The following LHX4 variants were observed in gnomAD, a reference collection of about 807,000 sequenced individuals.
LHX4 encodes LIM homeobox 4.
Under a neutral mutation model 39.2 loss-of-function variants are expected in LHX4, and 16 were observed. The observed-to-expected ratio is 0.41, with a 90% CI of 0.28 to 0.62. The LOEUF is 0.62. Ranked by LOEUF, LHX4 falls within the 20% of genes least tolerant of loss-of-function variation. LHX4 has a pLI of 0.33. For missense variants in LHX4, 439 were observed against 511.9 expected, an observed-to-expected ratio of 0.86 and a Z score of 1.37; for synonymous variants, 206 against 198.1, an observed-to-expected ratio of 1.04 and a Z score of -0.33.
chr1:180,246,438 G>A (rs553910921), intron 1 of LHX4, among the ~76,000 whole-genome samples: 4 of 152,340 alleles, frequency 2.6e-5, no homozygotes, highest in Non-Finnish European at 4.4e-5. Flanking sequence ...GAGGCCAGGC[G>A]TGGTGGCTCA....
intron 2 of LHX4, among the ~76,000 whole-genome samples, chr1:180,254,135 AT>A (rs1166630098): frequency 6.6e-6 from 1 of 152,064 alleles, no homozygotes; most frequent in Admixed American, 6.5e-5. Context: ...GGGGCTCCAT[AT>A]TTCCATCTGC....
At chr1:180,245,323 TC>T (rs1279650474) in intron 1 of LHX4, among the ~76,000 whole-genome samples, 1 of 152,164 alleles carries the variant, frequency 6.6e-6, no homozygotes, top group African/African-American at 2.4e-5. Context: ...TATCCACCCT[TC>T]ATAGACTGGT....
intron 2 of LHX4, among the ~76,000 whole-genome samples, chr1:180,257,020 G>A (rs1449799503): frequency 1.3e-5 from 2 of 152,258 alleles, no homozygotes; most frequent in Non-Finnish European, 2.9e-5. Context: ...ATCCGTGCTT[G>A]TTTACAAAAA....
At chr1:180,246,900 C>T (rs1331757645) in intron 1 of LHX4, among the ~76,000 whole-genome samples, 1 of 152,184 alleles carries the variant, frequency 6.6e-6, no homozygotes, top group Non-Finnish European at 1.5e-5. Flanking sequence ...GTGTGCCAGG[C>T]ACCGTGCTAG....
chr1:180,257,944 G>A (rs1249381523), intron 2 of LHX4, among the ~76,000 whole-genome samples: 1 of 152,212 alleles, frequency 6.6e-6, no homozygotes, highest in Non-Finnish European at 1.5e-5. Flanking sequence ...AACCCTCTCT[G>A]AACTTCAGTG....
intron 2 of LHX4, among the ~76,000 whole-genome samples, chr1:180,253,842 G>C (rs192136154): frequency 2.6e-5 from 4 of 152,182 alleles, no homozygotes; most frequent in Non-Finnish European, 5.9e-5. Context: ...GGTCTCCCCT[G>C]TACCAGCCTT....
At chr1:180,231,403 C>G (rs1474313439) in intron 1 of LHX4, among the ~76,000 whole-genome samples, 1 of 151,896 alleles carries the variant, frequency 6.6e-6, no homozygotes. Flanking sequence ...ACAGCCGGAG[C>G]TCGCGGCGTG....
At chr1:180,255,465 C>G (rs141674675) in intron 2 of LHX4, among the ~76,000 whole-genome samples, 1,718 of 152,378 alleles carry the variant, frequency 0.011, 21 homozygotes, top group African/African-American at 0.037. Flanking sequence ...GGGTGTGTCT[C>G]TTTGATGTGT....
chr1:180,250,382 A>T (rs357074), intron 2 of LHX4, among the ~76,000 whole-genome samples: 84,294 of 151,622 alleles, frequency 0.56, 24,554 homozygotes, highest in African/African-American at 0.74. Flanking sequence ...CCCGGGTGCA[A>T]ATGTGAACAT....
At chr1:180,249,900 T>C (rs976389546) in intron 2 of LHX4, among the ~76,000 whole-genome samples, 1 of 147,406 alleles carries the variant, frequency 6.8e-6, no homozygotes, top group Non-Finnish European at 1.5e-5. Flanking sequence ...TGTGTATGAG[T>C]GTGTGTGTGA....
chr1:180,256,725 G>A (rs1162863403), intron 2 of LHX4, among the ~76,000 whole-genome samples: 1 of 152,172 alleles, frequency 6.6e-6, no homozygotes, highest in South Asian at 2.1e-4. Flanking sequence ...GGGAGTCAGG[G>A]GTGGCTTTTC....
chr1:180,271,132 G>A (rs1432460061), intron 3 of LHX4: 3 of 566,610 alleles, frequency 5.3e-6, no homozygotes, highest in South Asian at 3.9e-5. Context: ...GGCAGGGGAG[G>A]GTTGAGGCAG....
At chr1:180,253,753 C>T (rs968166779) in intron 2 of LHX4, among the ~76,000 whole-genome samples, 3 of 152,304 alleles carry the variant, frequency 2.0e-5, no homozygotes, top group Admixed American at 1.3e-4. Flanking sequence ...CAGGCCCTGC[C>T]GTGTGGCCCC....
chr1:180,268,539 T>C (rs537721276), intron 3 of LHX4, among the ~76,000 whole-genome samples: 4 of 152,296 alleles, frequency 2.6e-5, no homozygotes, highest in Admixed American at 6.5e-5. Flanking sequence ...TCCTGGCAAG[T>C]TGTAGAACTG....
At chr1:180,239,509 C>T (rs534856885) in intron 1 of LHX4, among the ~76,000 whole-genome samples, 1 of 152,328 alleles carries the variant, frequency 6.6e-6, no homozygotes, top group South Asian at 2.1e-4. Flanking sequence ...TTTGGAAATA[C>T]ATATTGGCCA....
chr1:180,273,950 A>C, intron 5 of LHX4: 2 of 568,912 alleles, frequency 3.5e-6, no homozygotes, highest in South Asian at 4.0e-5. Context: ...ACATTTGTCC[A>C]TCCTTCTGGG....
At chr1:180,253,754 G>A (rs978985283) in intron 2 of LHX4, among the ~76,000 whole-genome samples, 11 of 152,216 alleles carry the variant, frequency 7.2e-5, no homozygotes, top group Non-Finnish European at 1.0e-4. Context: ...AGGCCCTGCC[G>A]TGTGGCCCCT....
intron 2 of LHX4, among the ~76,000 whole-genome samples, chr1:180,259,642 C>T (rs1388257882): frequency 6.6e-6 from 1 of 151,444 alleles, no homozygotes; most frequent in African/African-American, 2.4e-5. Flanking sequence ...ACCATCAGTC[C>T]GGTGGGCAGG....
intron 2 of LHX4, among the ~76,000 whole-genome samples, chr1:180,262,675 A>C (rs748744868): frequency 1.2e-3 from 171 of 145,374 alleles, no homozygotes; most frequent in Non-Finnish European, 2.2e-3. Flanking sequence ...AGTTAATACC[A>C]AACTTGAAAA....
Sources: allele counts gnomAD v4.1 joint callset (sites outside exome capture counted in the v4.1 genomes callset), GRCh38; gene constraint gnomAD v4.1.1; transcripts MANE v1.5; gene names NCBI Gene and HGNC (gene_info 2026-07-23, HGNC 2026-07-21).